The following AADAT variants were observed in gnomAD, a reference collection of about 807,000 sequenced individuals.
The protein encoded by AADAT is kynurenine/alpha-aminoadipate aminotransferase, mitochondrial.
In AADAT, 25 loss-of-function variants were observed where a neutral mutation model predicts 56.2. The ratio of observed to expected loss-of-function variants is 0.44; its 90% confidence interval spans 0.32 to 0.62. AADAT has a LOEUF of 0.62. Among genes scored for constraint, AADAT ranks in the 20% least tolerant of loss-of-function variants. The pLI is 0.04. For synonymous variants in AADAT, 173 were observed against 164.7 expected, an observed-to-expected ratio of 1.05 and a Z score of -0.39; for missense variants, 387 against 510.5, an observed-to-expected ratio of 0.76 and a Z score of 2.33.
chr4:170,068,540 A>G (rs1020558687), intron 8 of AADAT, 51 bp downstream of exon 8: 2 of 1,392,846 alleles, frequency 1.4e-6, no homozygotes, highest in Non-Finnish European at 2.0e-6. Flanking sequence ...TATTTTTTTA[A>G]AATTCTAATC....
chr4:170,071,795 G>A (rs1339098862), intron 5 of AADAT, among the ~76,000 whole-genome samples: 1 of 152,088 alleles, frequency 6.6e-6, no homozygotes, highest in East Asian at 1.9e-4. Flanking sequence ...AAAAATGGAT[G>A]GACTTGGATA....
At position 170,067,887 on chromosome 4, in the gene AADAT, C is replaced by T. The variant is rs967451092; in HGVS notation, c.901-499G>A. Among the ~76,000 whole-genome samples, 4 of 152,118 alleles carry T rather than the reference C, an allele frequency of 2.6e-5. No individual in the cohort carries two copies. In the East Asian group the frequency reaches 7.7e-4, roughly 29 times the overall value. On this transcript the variant is annotated intron_variant, in intron 8 of 12. Coordinates refer to ENST00000337664, the MANE Select transcript of AADAT (RefSeq NM_016228.4). ...GTGCGATGGCTCATGCCTGTAATCC[C>T]AGCACTTTGGGAGGCCCAACAGGGG...
At chr4:170,073,513 T>A (rs1343299029) in intron 4 of AADAT, among the ~76,000 whole-genome samples, 168 bp from the exon 5 acceptor site, 2 of 151,292 alleles carry the variant, frequency 1.3e-5, no homozygotes, top group African/African-American at 2.4e-5. Flanking sequence ...ATTTATTTAT[T>A]TTTTTTTTTG....
rs1732606976 is a variant in AADAT, at chr4:170,087,264, T to C, written c.237-16A>G. ...CTCTGGAATTCTAAAGCAAAAAATG[T>C]ATATTTAAATTCATAGTAGTAAAAA... On this transcript the variant is annotated splice_polypyrimidine_tract_variant and intron_variant, in intron 2 of 12. Transcript: ENST00000337664. 1.2e-6 allele frequency: 2 copies of C among 1,605,126 alleles called. No homozygotes were observed.
rs143747546 is a variant in AADAT at position 170,073,478 on chromosome 4, G to A, written c.445-133C>T. ...AATATATAAACCCGCAACCAGCTCTGAGCTCCTGAGGGTTGAGGTTACACA... is the reference window on the plus strand; with the variant it reads ...AATATATAAACCCGCAACCAGCTCTAAGCTCCTGAGGGTTGAGGTTACACA... On this transcript the variant is annotated intron_variant, in intron 4 of 12. Transcript: ENST00000337664. The A allele has an allele frequency of 1.9e-5, 14 of 725,958 alleles. No homozygotes were observed. The African/African-American group carries it at 2.5e-4, about 13-fold the overall frequency. The allele number at this position is 725,958 out of a possible 1,614,324, so 45.0% of individuals were successfully genotyped here.
chr4:170,084,106 C>T (rs1466479746), intron 3 of AADAT, among the ~76,000 whole-genome samples: 1 of 152,070 alleles, frequency 6.6e-6, no homozygotes, highest in African/African-American at 2.4e-5. Context: ...AAATGGAGGT[C>T]ATTATGTTAA....
intron 5 of AADAT, 36 bp from the exon 6 acceptor site, chr4:170,070,688 CTATT>C (rs763402676): frequency 4.2e-5 from 57 of 1,360,278 alleles, no homozygotes; most frequent in African/African-American, 1.2e-4. Flanking sequence ...ATTTCTTAAT[CTATT>C]TATTTCTTAA....
At position 170,064,836 on chromosome 4, in the gene AADAT, A is replaced by G; in HGVS notation, c.1028-11T>C. 1 of 1,603,118 alleles carries G rather than the reference A, an allele frequency of 6.2e-7. No homozygotes were observed. Among genetic ancestry groups the G allele is most frequent in the Non-Finnish European group, 8.5e-7 (1 of 1,176,134 alleles). On this transcript the variant is annotated splice_polypyrimidine_tract_variant and intron_variant, in intron 10 of 12. Coordinates refer to ENST00000337664, the MANE Select transcript of AADAT (RefSeq NM_016228.4). The stretch of plus-strand genomic sequence containing the variant: ...GCCATTCTGCCAAACCTACAAACAA[A>G]AGAAGAGAATAAATGTCTTCCAAAG...
intron 3 of AADAT, among the ~76,000 whole-genome samples, chr4:170,084,100 G>A (rs1399992150): frequency 2.6e-5 from 4 of 152,140 alleles, no homozygotes; most frequent in Admixed American, 2.0e-4. Flanking sequence ...GGATAGAAAT[G>A]GAGGTCATTA....
upstream of AADAT, among the ~76,000 whole-genome samples, chr4:170,090,851 G>A (rs1732794559): frequency 6.6e-6 from 1 of 152,138 alleles, no homozygotes; most frequent in African/African-American, 2.4e-5. Context: ...TAAAATGAAT[G>A]AACAGATTCA....
chr4:170,062,108 G>A (rs780752607), intron 11 of AADAT, 115 bp from the exon 12 acceptor site: 2 of 557,730 alleles, frequency 3.6e-6, no homozygotes, highest in Non-Finnish European at 3.0e-6. Flanking sequence ...AGCAGTTAAA[G>A]AAATCACAAG....
chr4:170,093,556 C>T (rs1032297301), upstream of AADAT, among the ~76,000 whole-genome samples: 1 of 152,290 alleles, frequency 6.6e-6, no homozygotes, highest in South Asian at 2.1e-4. Flanking sequence ...ATGCACCCGT[C>T]TGTGATTTGT....
chr4:170,084,383 A>C (rs1028425920), intron 3 of AADAT, among the ~76,000 whole-genome samples: 1 of 152,236 alleles, frequency 6.6e-6, no homozygotes, highest in Admixed American at 6.5e-5. Flanking sequence ...TTTTAAAATA[A>C]AATGGATGGG....
chr4:170,078,435 T>A, intron 4 of AADAT, 74 bp downstream of exon 4: 1 of 816,568 alleles, frequency 1.2e-6, no homozygotes, highest in Non-Finnish European at 1.9e-6. Context: ...AATAAAGTTA[T>A]TATAAAACCT....
At position 170,081,923 on chromosome 4, in the gene AADAT, T is replaced by C. The variant is rs191060364; in HGVS notation, c.370-3340A>G. ...AATATTGTATCCAGCAAAATTATCC[T>C]TCAAATATGATGGAGAGATAAAGTC... On this transcript the variant is annotated intron_variant, in intron 3 of 12. Transcript: ENST00000337664. Among the ~76,000 whole-genome samples the C allele has an allele frequency of 2.6e-5, 4 of 152,246 alleles. No individual in the cohort carries two copies. In the East Asian group the frequency reaches 7.7e-4, roughly 29 times the overall value.
chr4:170,068,129 ACT>A (rs1421053980), intron 8 of AADAT, among the ~76,000 whole-genome samples: 3 of 140,736 alleles, frequency 2.1e-5, no homozygotes, highest in Non-Finnish European at 4.6e-5. Context: ...ACAGGGCAAG[ACT>A]CTGTCTCAAA....
intron 3 of AADAT, among the ~76,000 whole-genome samples, chr4:170,082,393 C>T (rs1489744212): frequency 1.3e-5 from 2 of 151,468 alleles, no homozygotes; most frequent in Non-Finnish European, 2.9e-5. Flanking sequence ...TTTTTGTAAG[C>T]CTCATGGTAA....
chr4:170,063,450 A>T (rs1029525455), intron 11 of AADAT, among the ~76,000 whole-genome samples: 13 of 152,272 alleles, frequency 8.5e-5, no homozygotes, highest in African/African-American at 3.1e-4. Context: ...TATTTTGAGG[A>T]TAATGGCATT....
intron 3 of AADAT, among the ~76,000 whole-genome samples, chr4:170,082,503 A>C (rs1732366883): frequency 6.6e-6 from 1 of 152,202 alleles, no homozygotes; most frequent in Admixed American, 6.5e-5. Flanking sequence ...GAAGACAGTA[A>C]GAAAGGAAGA....
Sources: allele counts gnomAD v4.1 joint callset (sites outside exome capture counted in the v4.1 genomes callset), GRCh38; gene constraint gnomAD v4.1.1; transcripts MANE v1.5; gene names NCBI Gene and HGNC (gene_info 2026-07-23, HGNC 2026-07-21).